The following MELTF variants were observed in gnomAD, a reference collection of about 807,000 sequenced individuals.
MELTF encodes antigen p97 (melanoma associated) identified by monoclonal antibodies 133.2 and 96.5.
MELTF carries 67 observed loss-of-function variants against 83.7 expected under a neutral mutation model. The observed-to-expected ratio is 0.80, with a 90% CI of 0.66 to 0.98. The LOEUF is 0.98. MELTF is among the 50% of genes least tolerant of loss of function. MELTF has a pLI of 0.00. For synonymous variants in MELTF, 462 were observed against 447.6 expected (o/e 1.03, Z -0.41); for missense variants, 1,002 against 1,035.6 (o/e 0.97, Z 0.44).
Position 197,008,551 on chromosome 3 carries a change from C to T in MELTF, c.1750+106G>A. 1.5e-6 allele frequency: 2 copies of T among 1,306,576 alleles called. No individual in the cohort carries two copies. Among genetic ancestry groups the T allele is most frequent in the South Asian group, 2.7e-5 (2 of 73,170 alleles). The allele number at this position is 1,306,576 out of a possible 1,614,324, so 80.9% of individuals were successfully genotyped here. On this transcript the variant is annotated intron_variant, in intron 13 of 15. Transcript: ENST00000296350. The surrounding 1 kb of genome is among the most constrained non-coding windows in gnomAD (Gnocchi z 5.4). ...GGGCACAGCCTTCTAGACTCAGCCT[C>T]TCTGAGCTGCTGCTTGGCCCCAGCC...
At chr3:197,020,999 G>T (rs571509652) in intron 6 of MELTF, among the ~76,000 whole-genome samples, 11 of 152,164 alleles carry the variant, frequency 7.2e-5, no homozygotes, top group Non-Finnish European at 1.3e-4. Context: ...CCTTCCCAGG[G>T]ATGAGGGACA....
At position 197,016,301 on chromosome 3, in the gene MELTF, T is replaced by C; in HGVS notation, c.969A>G (p.Leu323=). The change falls in exon 8 of 16, where the codon CTA becomes CTG. Residue 323 remains leucine (L), a synonymous_variant. Coordinates refer to ENST00000296350, the MANE Select transcript of MELTF (RefSeq NM_005929.6). The part of the protein sequence containing the change: ...FSSEAYGQKD[L]LFKDSTSELV... Reference sequence around the variant, plus strand: ...GCTCCGAGGTAGAGTCTTTGAAGAGTAGATCCTTCTGGCCATAGGCCTCAG... The same window carrying C: ...GCTCCGAGGTAGAGTCTTTGAAGAGCAGATCCTTCTGGCCATAGGCCTCAG... 6.2e-7 allele frequency: 1 copy of C among 1,612,622 alleles called. No individual in the cohort carries two copies. Among genetic ancestry groups the C allele is most frequent in the Non-Finnish European group, 8.5e-7 (1 of 1,179,264 alleles).
At position 197,006,466 on chromosome 3, in the gene MELTF, G is replaced by T; in HGVS notation, c.1938+83C>A. 4 of 1,287,266 alleles carry T rather than the reference G, an allele frequency of 3.1e-6. No individual in the cohort carries two copies. Among genetic ancestry groups the T allele is most frequent in the Non-Finnish European group, 3.2e-6 (3 of 941,712 alleles). The allele number at this position is 1,287,266 out of a possible 1,614,324, so 79.7% of individuals were successfully genotyped here. A position where few individuals can be genotyped will look rare whatever the true frequency, so the allele number is the denominator to read the frequency against. ...GCTTCCTCAATTTCTCTAGAGGTCT[G>T]CTCCAGGTAGACTGAGGCCTCCCAG... On this transcript the variant is annotated intron_variant, in intron 14 of 15. Coordinates refer to ENST00000296350, the MANE Select transcript of MELTF (RefSeq NM_005929.6). This position sits in a 1 kb window ranked among gnomAD's most constrained non-coding sequence, Gnocchi z 5.4.
intron 11 of MELTF, 42 bp from the exon 12 acceptor site, chr3:197,009,007 A>G (rs1719083643): frequency 6.2e-7 from 1 of 1,610,508 alleles, no homozygotes; most frequent in Non-Finnish European, 8.5e-7. Flanking sequence ...CCAGCAGTGG[A>G]AAGTGTGGGA....
At position 197,010,750 on chromosome 3, in the gene MELTF, G is replaced by A. The variant is rs1719159493; in HGVS notation, c.1278C>T (p.Tyr426=). The stretch of plus-strand genomic sequence containing the variant: ...CCAGGCCGTACGTCTTCCCCGCCGT[G>A]TAAATGTCCTCGCCACTCAGGGTCA... ...DAVTLSGEDI[Y]TAGKTYGLVP... The change falls in exon 10 of 16, where the codon TAC becomes TAT. Residue 426 remains tyrosine, a synonymous_variant. Transcript: ENST00000296350. 1 of 1,613,750 alleles carries A rather than the reference G, an allele frequency of 6.2e-7. No homozygotes were observed. The highest frequency in any genetic ancestry group is 8.5e-7 in the Non-Finnish European group (1 of 1,180,040).
rs779705590 is a variant in MELTF, at chr3:197,003,868, A to G, written c.2137+33T>C. The G allele has an allele frequency of 1.1e-5, 18 of 1,606,862 alleles. No individual in the cohort carries two copies. The highest frequency in any genetic ancestry group is 1.7e-5 in the Admixed American group (1 of 59,870). On this transcript the variant is annotated intron_variant, in intron 15 of 15. Coordinates refer to ENST00000296350, the MANE Select transcript of MELTF (RefSeq NM_005929.6). The surrounding 1 kb of genome is among the most constrained non-coding windows in gnomAD (Gnocchi z 6.2). ...TCTGGGGTGAAGGGGTCTGAATAGC[A>G]CCAGGGGAGGCGGCAGGGCGGGCCT...
intron 14 of MELTF, 42 bp from the exon 15 acceptor site, chr3:197,004,141 C>T: frequency 6.3e-7 from 1 of 1,598,442 alleles, no homozygotes; most frequent in Non-Finnish European, 8.6e-7. Flanking sequence ...TCACTGGGCT[C>T]AGGCAGGGTC....
chr3:197,010,709 TC>T lies in MELTF; in HGVS notation c.1318del (p.Glu440SerfsTer18), dbSNP rs1248532779. 1 of 1,613,052 alleles carries T rather than the reference TC, an allele frequency of 6.2e-7. No homozygotes were observed. The highest frequency in any genetic ancestry group is 8.5e-7 in the Non-Finnish European group (1 of 1,179,858). On this transcript the variant is annotated frameshift_variant, in exon 10 of 16. Transcript: ENST00000296350. LOFTEE classifies it high-confidence loss of function. ...KTYGLVPAAG[E>X]HYAPEDSSNS... is the part of the protein sequence containing the mutation. The stretch of plus-strand genomic sequence containing the variant: ...GGCCCTGCACTCACGGGCATAGTGC[TC>T]CCCGGCTGCGGGAACCAGGCCGTAC...
intron 6 of MELTF, among the ~76,000 whole-genome samples, chr3:197,017,506 ATTG>A (rs1719429448): frequency 6.6e-6 from 1 of 152,170 alleles, no homozygotes; most frequent in South Asian, 2.1e-4. Flanking sequence ...ACCAATTTCT[ATTG>A]CTAAAGTGAA....
intron 14 of MELTF, chr3:197,004,402 G>A (rs1718903186): frequency 4.5e-6 from 2 of 443,944 alleles, no homozygotes; most frequent in Admixed American, 7.2e-5. Flanking sequence ...CCAGAAATGA[G>A]GGATGGTGTG....
At position 197,022,424 on chromosome 3, in the gene MELTF, G is replaced by A. The variant is rs1157537258; in HGVS notation, c.644+533C>T. Among the ~76,000 whole-genome samples the A allele has an allele frequency of 6.6e-6, 1 of 152,204 alleles. No homozygotes were observed. Among genetic ancestry groups the A allele is most frequent in the East Asian group, 1.9e-4 (1 of 5,194 alleles). On this transcript the variant is annotated intron_variant, in intron 5 of 15. Transcript: ENST00000296350. The surrounding 1 kb of genome is among the most constrained non-coding windows in gnomAD (Gnocchi z 5.1). ...CATCTGGAGTGTGGGGCACCAGCAG[G>A]CTTCCCTGCTCCAGGTGGAAACGTG...
At position 197,003,143 on chromosome 3, in the gene MELTF, C is replaced by T; in HGVS notation, c.*229G>A. 1 of 252,620 alleles carries T rather than the reference C, an allele frequency of 4.0e-6. No individual in the cohort carries two copies. 15.6% of individuals were successfully genotyped at this position (252,620 alleles called of 1,614,324 possible). On this transcript the variant is annotated 3_prime_UTR_variant, in exon 16 of 16. Coordinates refer to ENST00000296350, the MANE Select transcript of MELTF (RefSeq NM_005929.6). The surrounding 1 kb of genome is among the most constrained non-coding windows in gnomAD (Gnocchi z 6.2). ...GCCTCCTCCGGCGCGGCCCGCGCGG[C>T]TCCAGGTGGCGGGAGGCGGCGGTTG... is the stretch of plus-strand genomic sequence containing the variant.
chr3:197,009,101 T>G, intron 11 of MELTF, 136 bp from the exon 12 acceptor site: 1 of 1,015,724 alleles, frequency 9.8e-7, no homozygotes. Context: ...TCCGCTCCCC[T>G]CAGCTCTGAG....
At position 197,012,249 on chromosome 3, in the gene MELTF, G is replaced by C. The variant is rs140518876; in HGVS notation, c.1234-1455C>G. 6.4e-4 allele frequency among the ~76,000 whole-genome samples: 97 copies of C among 152,330 alleles called. 1 individual carries two copies. The highest frequency in any genetic ancestry group is 2.2e-3 in the African/African-American group (90 of 41,576). ...TGGCCTGGCTCAGGCAACGCGGTGT[G>C]GGGAGGCTCATACAGCACATCCCGG... On this transcript the variant is annotated intron_variant, in intron 9 of 15. Coordinates refer to ENST00000296350, the MANE Select transcript of MELTF (RefSeq NM_005929.6).
At position 197,027,738 on chromosome 3, in the gene MELTF, G is replaced by A. The variant is rs1374357274; in HGVS notation, c.204+18C>T. ...TCACAGCCCTCTTGTCTGGCAGGGTGGAAGGGAGAGGACTCACCGCGATGA... is the reference window on the plus strand; with the variant it reads ...TCACAGCCCTCTTGTCTGGCAGGGTAGAAGGGAGAGGACTCACCGCGATGA... On this transcript the variant is annotated intron_variant, in intron 2 of 15. Transcript: ENST00000296350. 3.1e-6 allele frequency: 5 copies of A among 1,594,406 alleles called. No individual in the cohort carries two copies. In the Admixed American group the frequency reaches 8.4e-5, roughly 27 times the overall value.
Position 197,024,402 on chromosome 3 carries a change from A to G in MELTF, c.388T>C (p.Cys130Arg), listed in dbSNP as rs555942068. The change falls in exon 4 of 16, where the codon TGC becomes CGC. Residue 130 changes from cysteine (C) to arginine (R), a missense_variant. Coordinates refer to ENST00000296350, the MANE Select transcript of MELTF (RefSeq NM_005929.6). This position sits in a 1 kb window ranked among gnomAD's most constrained non-coding sequence, Gnocchi z 5.3. ...ACTGTGCGATTGATGCCCGTGTGGCAGGACTTCACGCCTTTCAGGGTGTCA... is the reference window on the plus strand; with the variant it reads ...ACTGTGCGATTGATGCCCGTGTGGCGGGACTTCACGCCTTTCAGGGTGTCA... The part of the protein sequence containing the change: ...TIDTLKGVKS[C>R]HTGINRTVGW... 9.3e-6 allele frequency: 15 copies of G among 1,611,080 alleles called. No homozygotes were observed. In the East Asian group the frequency reaches 2.7e-4, roughly 29 times the overall value.
chr3:197,019,447 C>G, intron 6 of MELTF: 1 of 1,435,610 alleles, frequency 7.0e-7, no homozygotes, highest in Non-Finnish European at 9.1e-7. Context: ...AGATTACCAT[C>G]AACACTTTGA....
At chr3:197,013,872 A>G (rs531668198) in intron 9 of MELTF, among the ~76,000 whole-genome samples, 2 of 152,388 alleles carry the variant, frequency 1.3e-5, no homozygotes, top group Non-Finnish European at 2.9e-5. Context: ...GAGGATGCAG[A>G]ATAAAGGAAA....
rs369425612 is a variant in MELTF, at chr3:197,009,723, G to A, written c.1420C>T (p.Arg474Cys). The change falls in exon 11 of 16, where the codon CGC (arginine) becomes TGC (cysteine). Residue 474 changes from arginine to cysteine, a missense_variant. Transcript: ENST00000296350. ...AFTLDELRGK[R>C]SCHAGFGSPA... ...CTGCCGAAACCGGCGTGGCAGGAGC[G>A]CTTGCCCCGAAGCTCATCCAAGGTG... is the stretch of plus-strand genomic sequence containing the variant. The A allele has an allele frequency of 3.4e-5, 55 of 1,613,568 alleles. No homozygotes were observed. The Admixed American group carries it at 5.8e-4, about 17-fold the overall frequency.
Sources: gnomAD v4.1 joint callset for allele counts (sites outside exome capture counted in the v4.1 genomes callset) on GRCh38, gnomAD v4.1.1 for gene constraint, Gnocchi (gnomAD v3.1) non-coding constraint, MANE v1.5 for transcripts, NCBI Gene and HGNC (gene_info 2026-07-23, HGNC 2026-07-21) for gene names.